LACTBL1: variants seen among roughly 807,000 people sequenced by gnomAD.
LACTBL1 encodes lactamase beta like 1, also known as beta-lactamase-like protein 1.
Under a neutral mutation model 39.6 loss-of-function variants are expected in LACTBL1, and 29 were observed. That is an observed-to-expected ratio of 0.73 (90% CI 0.55 to 1.00). LACTBL1 has a LOEUF of 1.00. Ranked by LOEUF, LACTBL1 falls within the 50% of genes least tolerant of loss-of-function variation. The pLI is 0.00. For missense variants in LACTBL1, 711 were observed against 748.5 expected (o/e 0.95, Z 0.59); for synonymous variants, 361 against 360.7 (o/e 1.00, Z -0.01).
rs1179702593 is a variant in LACTBL1 at position 22,958,700 on chromosome 1, C to T, written c.538G>A (p.Ala180Thr). 2.6e-6 allele frequency: 4 copies of T among 1,546,738 alleles called. No homozygotes were observed. In the African/African-American group the frequency reaches 4.1e-5, roughly 16 times the overall value. The change falls in exon 4 of 6, where the codon GCC (alanine) becomes ACC (threonine). Residue 180 changes from alanine to threonine, a missense_variant. Ala to Thr is a moderately conservative substitution (Grantham distance 58). Transcript: ENST00000426928. ...TGAGACTCACCTGAGAGCTGGCTGGCCATCCTTCGAAGGGTGACAGGTGAA... is the reference window on the plus strand; with the variant it reads ...TGAGACTCACCTGAGAGCTGGCTGGTCATCCTTCGAAGGGTGACAGGTGAA...
chr1:22,953,884 G>T, exon 6 of LACTBL1: 1 of 1,549,750 alleles, frequency 6.5e-7, no homozygotes, highest in Non-Finnish European at 8.7e-7. Context: ...GCGCACGTCG[G>T]GCGTGAGGTC....
At chr1:22,962,551 C>T (rs150416042) in intron 2 of LACTBL1, among the ~76,000 whole-genome samples, 1,986 of 152,210 alleles carry the variant, frequency 0.013, 30 homozygotes, top group African/African-American at 0.044. Flanking sequence ...AATCATATCG[C>T]GGTGGCCTCT....
intron 1 of LACTBL1, among the ~76,000 whole-genome samples, chr1:22,963,659 G>A (rs1640849486): frequency 6.6e-6 from 1 of 152,188 alleles, no homozygotes; most frequent in Non-Finnish European, 1.5e-5. Context: ...CTGAGCATCA[G>A]GGCTTTGGGG....
At chr1:22,954,153 A>T (rs1640740085) in intron 5 of LACTBL1, 129 bp from the exon 8 acceptor site, 1 of 1,426,688 alleles carries the variant, frequency 7.0e-7, no homozygotes, top group Non-Finnish European at 9.2e-7. Flanking sequence ...CCAGGTGGTC[A>T]GACCTGGAAG....
At chr1:22,953,592 G>T (rs1640730833) in exon 6 of LACTBL1, 1 of 1,256,738 alleles carries the variant, frequency 8.0e-7, no homozygotes, top group Non-Finnish European at 9.9e-7. Flanking sequence ...CGTCCAGATC[G>T]CCGTCCTTGC....
intron 2 of LACTBL1, among the ~76,000 whole-genome samples, chr1:22,960,586 C>T (rs1167577412): frequency 7.2e-6 from 1 of 139,692 alleles, no homozygotes; most frequent in East Asian, 2.1e-4. Flanking sequence ...CACTGTACTC[C>T]AGCCCAGGCA....
At chr1:22,953,268 C>T (rs543713765) in exon 6 of LACTBL1, 1 of 1,231,552 alleles carries the variant, frequency 8.1e-7, no homozygotes, top group Non-Finnish European at 1.0e-6. Flanking sequence ...GGTGGCGCAG[C>T]GCCAGGGTGC....
upstream of LACTBL1, among the ~76,000 whole-genome samples, chr1:22,968,109 A>C (rs1640902015): frequency 6.6e-6 from 1 of 152,038 alleles, no homozygotes. Flanking sequence ...TTTTTTTTGA[A>C]CGTAAATAAA....
At chr1:22,953,254 T>A in exon 6 of LACTBL1, 1 of 1,231,718 alleles carries the variant, frequency 8.1e-7, no homozygotes, top group Admixed American at 4.2e-5. Flanking sequence ...GACGCGGCCG[T>A]GCAGGTGGCG....
chr1:22,953,359 T>A (rs1570496708), exon 6 of LACTBL1: 2 of 1,228,484 alleles, frequency 1.6e-6, no homozygotes, highest in East Asian at 6.4e-5. Flanking sequence ...GGCGCGCACC[T>A]CGTAGAAGGT....
chr1:22,964,092 A>G (rs894060717), intron 1 of LACTBL1, among the ~76,000 whole-genome samples: 1 of 152,008 alleles, frequency 6.6e-6, no homozygotes, highest in Admixed American at 6.6e-5. Context: ...GTCCACCACC[A>G]CGCCCGGCTC....
chr1:22,953,485 C>A, exon 6 of LACTBL1: 1 of 1,230,416 alleles, frequency 8.1e-7, no homozygotes, highest in Non-Finnish European at 1.0e-6. Context: ...ATCGTAGGCC[C>A]GCGCCACCAG....
chr1:22,968,742 C>T (rs1640908728), upstream of LACTBL1, among the ~76,000 whole-genome samples: 1 of 152,162 alleles, frequency 6.6e-6, no homozygotes, highest in African/African-American at 2.4e-5. Flanking sequence ...ATCACTTAAC[C>T]TCCCTGTGCT....
chr1:22,962,284 A>G (rs1557433381), intron 2 of LACTBL1, among the ~76,000 whole-genome samples: 2 of 152,132 alleles, frequency 1.3e-5, no homozygotes, highest in Non-Finnish European at 1.5e-5. Flanking sequence ...TTGTCTCTGC[A>G]TTGGCCCACA....
At chr1:22,969,250 A>G (rs1332862188), upstream of LACTBL1, among the ~76,000 whole-genome samples, 1 of 152,210 alleles carries the variant, frequency 6.6e-6, no homozygotes, top group African/African-American at 2.4e-5. Flanking sequence ...TTACACACAA[A>G]AGAATTTTTG....
exon 6 of LACTBL1, chr1:22,953,654 C>G (rs1640731603): frequency 1.6e-6 from 2 of 1,272,106 alleles, no homozygotes; most frequent in Non-Finnish European, 9.9e-7. Flanking sequence ...GTGCCCGTCT[C>G]GTTGGCGAAG....
At position 22,963,557 on chromosome 1, in the gene LACTBL1, T is replaced by G. The variant is rs548375571; in HGVS notation, c.50-341A>C. Among the ~76,000 whole-genome samples the G allele has an allele frequency of 2.0e-5, 3 of 152,340 alleles. No individual in the cohort carries two copies. In the East Asian group the frequency reaches 5.8e-4, roughly 29 times the overall value. ...CTCAGCCACATCTGTCTGTCTGACC[T>G]GCTGTCGTCCTGATTATGTGTTTGG... On this transcript the variant is annotated intron_variant, in intron 1 of 5. Coordinates refer to ENST00000426928, the Ensembl canonical transcript of LACTBL1.
At chr1:22,961,066 C>T (rs1302490502) in intron 2 of LACTBL1, among the ~76,000 whole-genome samples, 3 of 152,224 alleles carry the variant, frequency 2.0e-5, no homozygotes, top group East Asian at 1.9e-4. Flanking sequence ...AGGTGTGAGC[C>T]GCCTCACCTA....
upstream of LACTBL1, among the ~76,000 whole-genome samples, chr1:22,969,448 G>A (rs1045939661): frequency 6.6e-6 from 1 of 152,044 alleles, no homozygotes; most frequent in Non-Finnish European, 1.5e-5. Context: ...CTGAGTTTAT[G>A]TTCCATCCCT....
Sources: gnomAD v4.1 joint callset for allele counts (sites outside exome capture counted in the v4.1 genomes callset) on GRCh38, gnomAD v4.1.1 for gene constraint, MANE v1.5 for transcripts, NCBI Gene and HGNC (gene_info 2026-07-23, HGNC 2026-07-21) for gene names.